Variants in FBXL7 observed in about 807,000 individuals in gnomAD.
FBXL7 encodes F-box/LRR-repeat protein 7.
In FBXL7, 12 loss-of-function variants were observed where a neutral mutation model predicts 38.3. The ratio of observed to expected loss-of-function variants is 0.31; its 90% CI spans 0.20 to 0.51. FBXL7 has a LOEUF of 0.51. Ranked by LOEUF, FBXL7 falls within the 20% of genes least tolerant of loss-of-function variation. The pLI is 0.98. For missense variants in FBXL7, 567 were observed against 676.4 expected (o/e 0.84, Z 1.79); for synonymous variants, 297 against 300.9 (o/e 0.99, Z 0.13).
intron 2 of FBXL7, among the ~76,000 whole-genome samples, chr5:15,877,862 T>C (rs1358986827): frequency 6.6e-6 from 1 of 152,192 alleles, no homozygotes; most frequent in Non-Finnish European, 1.5e-5. Flanking sequence ...CCAGTTACCC[T>C]CTGAAAAAAT....
intron 1 of FBXL7, among the ~76,000 whole-genome samples, chr5:15,550,076 G>A (rs1276952667): frequency 2.6e-5 from 4 of 152,178 alleles, no homozygotes; most frequent in African/African-American, 9.7e-5. Context: ...TTGTGCTAGA[G>A]AATATTGGCT....
At chr5:15,879,576 T>C (rs1740356046) in intron 2 of FBXL7, among the ~76,000 whole-genome samples, 1 of 152,138 alleles carries the variant, frequency 6.6e-6, no homozygotes, top group Admixed American at 6.6e-5. Flanking sequence ...TTGGTATAAA[T>C]TCCCCCAGGC....
At chr5:15,891,420 A>G (rs1740895918) in intron 2 of FBXL7, among the ~76,000 whole-genome samples, 1 of 152,168 alleles carries the variant, frequency 6.6e-6, no homozygotes, top group African/African-American at 2.4e-5. Context: ...CCCCAATGTA[A>G]TTTTCTACAT....
chr5:15,623,305 T>G (rs1050683331), intron 2 of FBXL7, among the ~76,000 whole-genome samples: 9 of 152,228 alleles, frequency 5.9e-5, no homozygotes, highest in African/African-American at 2.2e-4. Context: ...TACCTAGGGT[T>G]GGAAACACAT....
At position 15,500,552 on chromosome 5, in the gene FBXL7, C is replaced by A; in HGVS notation, c.-125C>A. On this transcript the variant is annotated 5_prime_UTR_variant, in exon 1 of 4. Transcript: ENST00000504595. Reference sequence around the variant, plus strand: ...GGACCTCTCCAGGCCGGAGGTCGGCCCCGGAGCTTGGGGGGGATGTGCAGC... The same window carrying A: ...GGACCTCTCCAGGCCGGAGGTCGGCACCGGAGCTTGGGGGGGATGTGCAGC... 7.2e-7 allele frequency: 1 copy of A among 1,380,568 alleles called. No individual in the cohort carries two copies. The highest frequency in any genetic ancestry group is 1.7e-5 in the Admixed American group (1 of 59,578). 85.5% of individuals were successfully genotyped at this position (1,380,568 alleles called of 1,614,324 possible).
At chr5:15,617,405 C>T (rs1455223201) in intron 2 of FBXL7, among the ~76,000 whole-genome samples, 6 of 151,518 alleles carry the variant, frequency 4.0e-5, no homozygotes, top group Non-Finnish European at 5.9e-5. Context: ...GTACAAATCT[C>T]GTTAACTGAT....
chr5:15,526,106 G>T (rs757508792), intron 1 of FBXL7, among the ~76,000 whole-genome samples: 1 of 152,154 alleles, frequency 6.6e-6, no homozygotes, highest in Non-Finnish European at 1.5e-5. Context: ...GTGAAAGAGG[G>T]ACTTCTGCGA....
chr5:15,808,505 G>A (rs1191923015), intron 2 of FBXL7, among the ~76,000 whole-genome samples: 1 of 152,124 alleles, frequency 6.6e-6, no homozygotes, highest in Non-Finnish European at 1.5e-5. Flanking sequence ...GCATGACTGT[G>A]TATTTCCCAC....
At chr5:15,797,488 T>C (rs536802292) in intron 2 of FBXL7, among the ~76,000 whole-genome samples, 1 of 152,320 alleles carries the variant, frequency 6.6e-6, no homozygotes, top group East Asian at 1.9e-4. Context: ...TCTCCCATCT[T>C]CTGGGCTGAT....
chr5:15,652,312 G>A (rs1461687694), intron 2 of FBXL7, among the ~76,000 whole-genome samples: 1 of 152,088 alleles, frequency 6.6e-6, no homozygotes, highest in African/African-American at 2.4e-5. Flanking sequence ...TGTTGCCCAG[G>A]CTGGAGTGCA....
At chr5:15,784,851 T>C (rs1263777605) in intron 2 of FBXL7, among the ~76,000 whole-genome samples, 1 of 152,208 alleles carries the variant, frequency 6.6e-6, no homozygotes, top group Non-Finnish European at 1.5e-5. Flanking sequence ...GATATTTCTT[T>C]ATAGCAGTGC....
intron 2 of FBXL7, among the ~76,000 whole-genome samples, chr5:15,912,367 C>G (rs1213627321): frequency 2.2e-5 from 3 of 137,792 alleles, no homozygotes; most frequent in African/African-American, 8.6e-5. Context: ...GAGGCAATGC[C>G]TCGCCCTGCT....
At chr5:15,615,740 CTT>C (rs1740424988) in intron 1 of FBXL7, among the ~76,000 whole-genome samples, 1 of 152,244 alleles carries the variant, frequency 6.6e-6, no homozygotes, top group African/African-American at 2.4e-5. Flanking sequence ...GTTTTATAAT[CTT>C]GTCTGAGTTT....
chr5:15,516,157 A>G (rs1580346880), intron 1 of FBXL7, among the ~76,000 whole-genome samples: 2 of 152,072 alleles, frequency 1.3e-5, no homozygotes, highest in Non-Finnish European at 2.9e-5. Context: ...CTGCTCTTCT[A>G]TATTTACTCT....
intron 2 of FBXL7, among the ~76,000 whole-genome samples, chr5:15,778,335 T>A (rs1295971986): frequency 6.6e-6 from 1 of 152,116 alleles, no homozygotes; most frequent in Non-Finnish European, 1.5e-5. Flanking sequence ...ACTCCATCCT[T>A]TCTATCTCAA....
chr5:15,637,958 G>A (rs1225522870), intron 2 of FBXL7, among the ~76,000 whole-genome samples: 1 of 152,120 alleles, frequency 6.6e-6, no homozygotes, highest in Non-Finnish European at 1.5e-5. Context: ...GAAAACTGGG[G>A]GAAGTATAAG....
intron 2 of FBXL7, among the ~76,000 whole-genome samples, chr5:15,673,418 T>G (rs542398667): frequency 1.3e-5 from 2 of 152,292 alleles, no homozygotes; most frequent in East Asian, 3.9e-4. Flanking sequence ...TTCTAGTGCT[T>G]TATAATTAAG....
chr5:15,743,045 T>C (rs1735931614), intron 2 of FBXL7, among the ~76,000 whole-genome samples: 3 of 152,104 alleles, frequency 2.0e-5, no homozygotes, highest in Admixed American at 6.5e-5. Flanking sequence ...CATGCAGGGA[T>C]TATGGGAGCT....
chr5:15,667,418 G>C (rs1158316517), intron 2 of FBXL7, among the ~76,000 whole-genome samples: 2 of 152,024 alleles, frequency 1.3e-5, no homozygotes, highest in African/African-American at 4.8e-5. Context: ...TCTTACTTTT[G>C]GAAAAGACTT....
Sources: allele counts gnomAD v4.1 joint callset (sites outside exome capture counted in the v4.1 genomes callset), GRCh38; gene constraint gnomAD v4.1.1; transcripts MANE v1.5; gene names NCBI Gene and HGNC (gene_info 2026-07-23, HGNC 2026-07-21).